The following HPRT1 variants were observed in gnomAD, a reference collection of about 807,000 sequenced individuals.
HPRT1 encodes hypoxanthine-guanine phosphoribosyltransferase.
Under a neutral mutation model 19.0 loss-of-function variants are expected in HPRT1, and 4 were observed. The observed-to-expected ratio is 0.21, with a 90% CI of 0.10 to 0.48. The LOEUF is 0.48. HPRT1 is among the 20% of genes least tolerant of loss of function. The pLI, the probability that HPRT1 is intolerant of heterozygous loss-of-function variation, is 0.98. For synonymous variants in HPRT1, 53 were observed against 54.9 expected (o/e 0.97, Z 0.15); for missense variants, 65 against 164.0 (o/e 0.40, Z 3.30).
chrX:134,470,245 C>G (rs1475025337), intron 1 of HPRT1, among the ~76,000 whole-genome samples: 1 of 112,018 alleles, frequency 8.9e-6, no homozygotes, highest in Non-Finnish European at 1.9e-5. Context: ...TGCAACCAGC[C>G]TCCTGGCCAT....
intron 3 of HPRT1, among the ~76,000 whole-genome samples, chrX:134,475,812 A>T (rs1233081651): frequency 9.0e-6 from 1 of 111,341 alleles, no homozygotes; most frequent in Non-Finnish European, 1.9e-5. Context: ...CACACTTAAG[A>T]AAGGGGACTG....
At chrX:134,475,060 TGCAG>T in intron 2 of HPRT1, 117 bp from the exon 3 acceptor site, 2 of 509,304 alleles carry the variant, frequency 3.9e-6, no homozygotes, top group Admixed American at 3.6e-5. Context: ...TTTTTTTTTT[TGCAG>T]GCATGGGGTC....
At chrX:134,466,106 T>C (rs897668986) in intron 1 of HPRT1, among the ~76,000 whole-genome samples, 7 of 109,115 alleles carry the variant, frequency 6.4e-5, no homozygotes, top group African/African-American at 2.3e-4. Flanking sequence ...CCAGGTCTGA[T>C]TGGATTAGTG....
intron 3 of HPRT1, among the ~76,000 whole-genome samples, chrX:134,480,975 TTAAA>T (rs1192413167): frequency 9.1e-6 from 1 of 109,545 alleles, no homozygotes; most frequent in Admixed American, 9.8e-5. Flanking sequence ...GTATTTTATT[TTAAA>T]TAAATTGTAT....
intron 3 of HPRT1, among the ~76,000 whole-genome samples, chrX:134,475,814 A>T (rs1332905017): frequency 9.0e-6 from 1 of 111,341 alleles, no homozygotes; most frequent in Non-Finnish European, 1.9e-5. Flanking sequence ...CACTTAAGAA[A>T]GGGGACTGCA....
intron 1 of HPRT1, among the ~76,000 whole-genome samples, chrX:134,467,241 G>A (rs181978218): frequency 9.0e-6 from 1 of 110,926 alleles, no homozygotes; most frequent in Admixed American, 9.6e-5. Context: ...TGTAGAGACA[G>A]GGTTTCGCCA....
At chrX:134,491,986 CAT>C (rs749685603) in intron 5 of HPRT1, among the ~76,000 whole-genome samples, 1,505 of 87,724 alleles carry the variant, frequency 0.017, 32 homozygotes, top group African/African-American at 0.044. Flanking sequence ...AATATATATA[CAT>C]ATATATATAT....
chrX:134,463,404 C>T (rs1489214779), intron 1 of HPRT1, among the ~76,000 whole-genome samples: 1 of 111,745 alleles, frequency 8.9e-6, no homozygotes, highest in Non-Finnish European at 1.9e-5. Context: ...TAATTTTTTA[C>T]AGAATTGGTA....
At chrX:134,491,454 C>G (rs764590453) in intron 5 of HPRT1, among the ~76,000 whole-genome samples, 1 of 111,552 alleles carries the variant, frequency 9.0e-6, no homozygotes, top group Admixed American at 9.6e-5. Flanking sequence ...AATGGATTTA[C>G]TACTTTGATA....
At chrX:134,479,536 C>T (rs145132644) in intron 3 of HPRT1, among the ~76,000 whole-genome samples, 6,085 of 112,058 alleles carry the variant, frequency 0.054, 207 homozygotes, top group Non-Finnish European at 0.082. Flanking sequence ...TCCCAAAATG[C>T]TGGGATTACA....
chrX:134,473,996 C>T (rs1444936759), intron 2 of HPRT1, among the ~76,000 whole-genome samples: 1 of 112,119 alleles, frequency 8.9e-6, no homozygotes, highest in Non-Finnish European at 1.9e-5. Flanking sequence ...CTCCTTTCAG[C>T]CTTCTGTACA....
intron 6 of HPRT1, 27 bp from the exon 7 acceptor site, chrX:134,498,358 GTATGT>G (rs747017210): frequency 5.3e-6 from 6 of 1,126,643 alleles, no homozygotes; most frequent in Non-Finnish European, 3.7e-6. Flanking sequence ...TAGTCTCTCT[GTATGT>G]TATATGTCAC....
At chrX:134,499,322 T>C in intron 8 of HPRT1, among the ~76,000 whole-genome samples, 1 of 107,445 alleles carries the variant, frequency 9.3e-6, no homozygotes, top group South Asian at 4.1e-4. Context: ...TTACTAAAAA[T>C]ACAAAAATTA....
In HPRT1 at chrX:134,482,641, G is replaced by A. The variant is rs2077643134; in HGVS notation, c.319-3824G>A. Among the ~76,000 whole-genome samples, 3 of 111,222 alleles carry A rather than the reference G, an allele frequency of 2.7e-5. No homozygotes were observed. The South Asian group carries it at 1.1e-3, about 41-fold the overall frequency. On this transcript the variant is annotated intron_variant, in intron 3 of 8. Transcript: ENST00000298556. Reference sequence around the variant, plus strand: ...GTGTAGTACTAGATGATCTGTAAGGGCTGTGCTTCATCAGTGTCGTTTTTT... The same window carrying A: ...GTGTAGTACTAGATGATCTGTAAGGACTGTGCTTCATCAGTGTCGTTTTTT...
At chrX:134,479,654 G>T (rs907159489) in intron 3 of HPRT1, among the ~76,000 whole-genome samples, 1 of 111,261 alleles carries the variant, frequency 9.0e-6, no homozygotes, top group African/African-American at 3.3e-5. Context: ...TGTCACCCAG[G>T]CTGGAGTGCA....
At chrX:134,463,385 C>A in intron 1 of HPRT1, among the ~76,000 whole-genome samples, 1 of 111,754 alleles carries the variant, frequency 8.9e-6, no homozygotes, top group East Asian at 2.8e-4. Context: ...GCCGAGCTTA[C>A]CCTGCCAATA....
intron 6 of HPRT1, among the ~76,000 whole-genome samples, chrX:134,495,263 A>G (rs750652539): frequency 2.0e-4 from 22 of 109,191 alleles, no homozygotes; most frequent in Non-Finnish European, 3.4e-4. Flanking sequence ...ACCCAGTTCC[A>G]GTTTTCATGT....
intron 5 of HPRT1, chrX:134,492,397 T>C (rs1324437909): frequency 3.8e-6 from 1 of 266,490 alleles, no homozygotes. Context: ...TTGATATATA[T>C]CATTCCCATG....
At position 134,493,378 on chromosome X, in the gene HPRT1, T is replaced by A. The variant is rs185793847; in HGVS notation, c.403-130T>A. ...GCCAGATGATATAGATTCCAGAATA[T>A]CTCCATGTAGATTTTGGTGAGAATT... On this transcript the variant is annotated intron_variant, in intron 5 of 8. Coordinates refer to ENST00000298556, the MANE Select transcript of HPRT1 (RefSeq NM_000194.3). 7.9e-5 allele frequency: 42 copies of A among 531,265 alleles called. No individual in the cohort carries two copies. In the East Asian group the frequency reaches 1.4e-3, roughly 18 times the overall value. 43.8% of individuals were successfully genotyped at this position (531,265 alleles called of 1,213,427 possible). A position where few individuals can be genotyped will look rare whatever the true frequency, so the allele number is the denominator to read the frequency against.
Sources: allele counts gnomAD v4.1 joint callset (sites outside exome capture counted in the v4.1 genomes callset), GRCh38; gene constraint gnomAD v4.1.1; transcripts MANE v1.5; gene names NCBI Gene and HGNC (gene_info 2026-07-23, HGNC 2026-07-21).